Variants in WARS1 observed in about 807,000 individuals in gnomAD.
WARS1 encodes the protein tryptophanyl-tRNA synthetase 1.
A neutral mutation model predicts 47.8 loss-of-function variants in WARS1; 17 were observed. That is an observed-to-expected ratio of 0.36 (90% CI 0.24 to 0.53). The LOEUF (loss-of-function observed/expected upper bound fraction) is 0.53. Ranked by LOEUF, WARS1 falls within the 20% of genes least tolerant of loss-of-function variation. The pLI is 0.91. For missense variants in WARS1, 434 were observed against 608.0 expected, an observed-to-expected ratio of 0.71 and a Z score of 3.01; for synonymous variants, 208 against 228.1, an observed-to-expected ratio of 0.91 and a Z score of 0.79.
intron 2 of WARS1, chr14:100,366,901 T>G (rs1407932067): frequency 1.2e-6 from 2 of 1,609,636 alleles, no homozygotes; most frequent in Non-Finnish European, 1.7e-6. Flanking sequence ...AGTCCCTGAA[T>G]AAAGATAAGA....
At chr14:100,336,268 T>TA (rs1893722109) in intron 10 of WARS1, among the ~76,000 whole-genome samples, 1 of 115,290 alleles carries the variant, frequency 8.7e-6, no homozygotes, top group South Asian at 3.4e-4. Flanking sequence ...AGAGCAGGAC[T>TA]CTGTCTCAAA....
At chr14:100,374,191 AC>A (rs1896506122) in intron 1 of WARS1, 1 of 152,254 alleles carries the variant, frequency 6.6e-6, no homozygotes, top group South Asian at 2.1e-4. Context: ...TTCAGTGTTT[AC>A]CACATAAATT....
In WARS1 at chr14:100,343,327, A is replaced by T; in HGVS notation, c.887T>A (p.Ile296Asn). 6.2e-7 allele frequency: 1 copy of T among 1,613,410 alleles called. No individual in the cohort carries two copies. Residue 296 changes from isoleucine (I) to asparagine (N), a missense_variant, in exon 8 of 11, where the codon ATC (isoleucine) becomes AAC (asparagine). Transcript: ENST00000392882. Reference sequence around the variant, plus strand: ...CTGGATATCCGTCCTGTCTCGGAAGATCTGTGGGAATGAGTTGCTGAAGGA... The same window carrying T: ...CTGGATATCCGTCCTGTCTCGGAAGTTCTGTGGGAATGAGTTGCTGAAGGA... ...APSFSNSFPQ[I>N]FRDRTDIQCL...
chr14:100,345,943 T>C (rs980502361), intron 7 of WARS1, among the ~76,000 whole-genome samples: 2 of 152,340 alleles, frequency 1.3e-5, no homozygotes, highest in Middle Eastern at 3.4e-3. Flanking sequence ...CACGCCGCTG[T>C]GGCTCTGGCT....
At chr14:100,336,167 T>C (rs1410450979) in intron 10 of WARS1, among the ~76,000 whole-genome samples, 3 of 149,886 alleles carry the variant, frequency 2.0e-5, no homozygotes, top group Admixed American at 1.4e-4. Flanking sequence ...TCCCAGCTAC[T>C]CGGGAGGCTG....
At chr14:100,367,874 G>C (rs1896103079) in intron 2 of WARS1, among the ~76,000 whole-genome samples, 1 of 152,066 alleles carries the variant, frequency 6.6e-6, no homozygotes, top group Non-Finnish European at 1.5e-5. Flanking sequence ...CTTTCAGATG[G>C]GCAAGATCCC....
At chr14:100,367,520 G>A (rs1896069841) in intron 2 of WARS1, among the ~76,000 whole-genome samples, 2 of 149,668 alleles carry the variant, frequency 1.3e-5, no homozygotes, top group East Asian at 2.0e-4. Context: ...CCCAGGAGGC[G>A]GAGGTTGCGG....
At chr14:100,349,023 T>C (rs1894806229) in intron 6 of WARS1, among the ~76,000 whole-genome samples, 3 of 152,170 alleles carry the variant, frequency 2.0e-5, no homozygotes, top group Admixed American at 6.5e-5. Context: ...TGCCGGCACA[T>C]GGAGGCTTCT....
At chr14:100,370,905 T>C (rs1896308322) in intron 1 of WARS1, among the ~76,000 whole-genome samples, 1 of 152,120 alleles carries the variant, frequency 6.6e-6, no homozygotes, top group Admixed American at 6.5e-5. Flanking sequence ...TTTGCGCCAC[T>C]GTACTCCAGC....
intron 4 of WARS1, among the ~76,000 whole-genome samples, chr14:100,357,725 T>C (rs1331645193): frequency 6.6e-6 from 1 of 152,200 alleles, no homozygotes; most frequent in East Asian, 1.9e-4. Context: ...CCTCCCAAAG[T>C]GTTGGGATTA....
chr14:100,363,828 T>C (rs569529071), intron 2 of WARS1, among the ~76,000 whole-genome samples: 2 of 152,268 alleles, frequency 1.3e-5, no homozygotes, highest in East Asian at 3.9e-4. Context: ...GGTCTCACTA[T>C]ATTATCCAGG....
chr14:100,339,395 T>G (rs573791475), intron 9 of WARS1, among the ~76,000 whole-genome samples: 1 of 151,752 alleles, frequency 6.6e-6, no homozygotes, highest in South Asian at 2.1e-4. Flanking sequence ...ATCAAGACCA[T>G]CCTGGCTAAC....
upstream of WARS1, chr14:100,376,181 C>T (rs1389041354): frequency 8.3e-6 from 2 of 240,346 alleles, no homozygotes; most frequent in East Asian, 8.6e-5. Flanking sequence ...GGCCAGGCCA[C>T]TGGGCGCCGC....
chr14:100,368,643 G>A (rs1214591093), intron 2 of WARS1, among the ~76,000 whole-genome samples: 2 of 152,218 alleles, frequency 1.3e-5, no homozygotes, highest in Admixed American at 6.5e-5. Context: ...GCATCCCAAT[G>A]TTGATAAAGG....
intron 9 of WARS1, chr14:100,340,662 G>A (rs1894097326): frequency 6.6e-6 from 1 of 152,096 alleles, no homozygotes; most frequent in South Asian, 2.1e-4. Context: ...TTATTTTTAG[G>A]AGGCTGGAGC....
intron 3 of WARS1, 33 bp from the exon 4 acceptor site, chr14:100,360,695 G>A: frequency 1.3e-6 from 2 of 1,530,356 alleles, no homozygotes; most frequent in Non-Finnish European, 1.8e-6. Context: ...TTTCTTAGGT[G>A]GCAGGAGGTT....
chr14:100,375,790 G>T (rs1433021356), upstream of WARS1: 1 of 152,230 alleles, frequency 6.6e-6, no homozygotes, highest in Non-Finnish European at 1.5e-5. Flanking sequence ...AGGAGTTCTG[G>T]GGTCACAGAC....
chr14:100,336,966 C>G (rs1595399380), intron 10 of WARS1, 96 bp downstream of exon 10: 2 of 1,526,120 alleles, frequency 1.3e-6, no homozygotes, highest in East Asian at 4.6e-5. Context: ...GCACCTCCGA[C>G]CAAGCCTTCA....
chr14:100,343,022 G>A (rs576326938), intron 8 of WARS1, among the ~76,000 whole-genome samples: 18 of 152,236 alleles, frequency 1.2e-4, no homozygotes, highest in Admixed American at 7.8e-4. Context: ...GATTACAGGC[G>A]CCTGCCACCA....
Sources: allele counts gnomAD v4.1 joint callset (sites outside exome capture counted in the v4.1 genomes callset), GRCh38; gene constraint gnomAD v4.1.1; transcripts MANE v1.5; gene names NCBI Gene and HGNC (gene_info 2026-07-23, HGNC 2026-07-21).